GEMIN7: variants seen among roughly 807,000 people sequenced by gnomAD.
The protein encoded by GEMIN7 is gem-associated protein 7.
GEMIN7 carries 7 observed loss-of-function variants against 7.8 expected under a neutral mutation model. The observed-to-expected ratio is 0.90, with a 90% CI of 0.51 to 1.69. The LOEUF (loss-of-function observed/expected upper bound fraction) is 1.69, where lower values mean the gene tolerates loss of function less well. Among genes scored for constraint, GEMIN7 ranks in the 40% most tolerant of loss-of-function variants. The probability of loss-of-function intolerance (pLI) is 0.00; values close to 1 mark genes in which losing one functional copy is unlikely to be tolerated. For missense variants in GEMIN7, 159 were observed against 176.2 expected (o/e 0.90, Z 0.55); for synonymous variants, 68 against 72.4 (o/e 0.94, Z 0.31).
upstream of GEMIN7, among the ~76,000 whole-genome samples, chr19:45,077,296 C>G (rs964702443): frequency 1.3e-5 from 2 of 152,168 alleles, no homozygotes; most frequent in Non-Finnish European, 2.9e-5. Context: ...TGTAATCATA[C>G]ACATCGACTC....
rs141406764 is a variant in GEMIN7, at chr19:45,087,352, C to T, written c.-8-2755C>T. On this transcript the variant is annotated intron_variant, in intron 2 of 2. Coordinates refer to ENST00000270257, the MANE Select transcript of GEMIN7 (RefSeq NM_024707.3). ...ACAGACGGGGTTTTACTATGTTGGC[C>T]AGGCTGCTCTCGAACTCCTGACCTC... 3.6e-3 allele frequency among the ~76,000 whole-genome samples: 548 copies of T among 152,286 alleles called. 5 individuals carry two copies. Among genetic ancestry groups the T allele is most frequent in the African/African-American group, 0.013 (532 of 41,538 alleles).
At position 45,080,675 on chromosome 19, in the gene GEMIN7, A is replaced by G. The variant is rs564931036; in HGVS notation, c.-9+646A>G. The stretch of plus-strand genomic sequence containing the variant: ...ATTACAGGTGTGAACCACTGCACCC[A>G]GCCCGAGGAAAGATTTGACCTGCCA... On this transcript the variant is annotated intron_variant, in intron 2 of 2. Coordinates refer to ENST00000270257, the MANE Select transcript of GEMIN7 (RefSeq NM_024707.3). Among the ~76,000 whole-genome samples the G allele has an allele frequency of 2.3e-3, 344 of 151,784 alleles. 3 individuals are homozygous for G. The highest frequency in any genetic ancestry group is 8.0e-3 in the African/African-American group (333 of 41,370).
chr19:45,091,282 C>A lies in GEMIN7; in HGVS notation c.*772C>A, dbSNP rs1451671445. The A allele has an allele frequency of 6.0e-6, 1 of 167,174 alleles. No homozygotes were observed. The highest frequency in any genetic ancestry group is 1.5e-5 in the Non-Finnish European group (1 of 68,142). The allele number at this position is 167,174 out of a possible 1,614,324, so 10.4% of individuals were successfully genotyped here. ...AATGGTCGGACCCCGAGTGGCGGCG[C>A]CCCTGATAAAAGGCCGAGGATTCGC... On this transcript the variant is annotated 3_prime_UTR_variant, in exon 3 of 3. Transcript: ENST00000270257.
upstream of GEMIN7, chr19:45,076,484 G>A (rs1172902013): frequency 5.1e-6 from 4 of 790,858 alleles, no homozygotes; most frequent in Non-Finnish European, 5.0e-6. The surrounding 1 kb of genome is among the most constrained non-coding windows in gnomAD (Gnocchi z 4.9). Flanking sequence ...TGACTGCGGC[G>A]ACCCGCCGCG....
upstream of GEMIN7, chr19:45,076,600 T>C (rs1406615710): frequency 3.0e-6 from 1 of 338,646 alleles, no homozygotes; most frequent in Non-Finnish European, 5.3e-6. This position sits in a 1 kb window ranked among gnomAD's most constrained non-coding sequence, Gnocchi z 4.9. Flanking sequence ...CCTAACTCAA[T>C]CTAGGCAGTG....
intron 2 of GEMIN7, among the ~76,000 whole-genome samples, chr19:45,082,681 C>T (rs950912333): frequency 2.0e-5 from 3 of 151,962 alleles, no homozygotes; most frequent in Non-Finnish European, 4.4e-5. Context: ...TACAGTGGCA[C>T]AGTTATGGCT....
chr19:45,080,373 G>T (rs1274535973), intron 2 of GEMIN7, among the ~76,000 whole-genome samples: 1 of 137,842 alleles, frequency 7.3e-6, no homozygotes, highest in East Asian at 2.0e-4. Context: ...CCAAGGAAAT[G>T]ATTTTTTTTT....
intron 1 of GEMIN7, 103 bp from the exon 2 acceptor site, chr19:45,079,804 G>A (rs1383022661): frequency 6.6e-6 from 1 of 152,282 alleles, no homozygotes; most frequent in Non-Finnish European, 1.5e-5. Context: ...TGACCCTCTC[G>A]GGTGGCCCCA....
upstream of GEMIN7, chr19:45,075,870 G>A (rs199913976): frequency 6.2e-7 from 1 of 1,613,680 alleles, no homozygotes; most frequent in Non-Finnish European, 8.5e-7. Context: ...GGTCTGCAGG[G>A]AGGAAGCGGG....
rs1254781194 is a variant in GEMIN7 at position 45,090,745 on chromosome 19, C to G, written c.*235C>G. On this transcript the variant is annotated 3_prime_UTR_variant, in exon 3 of 3. Transcript: ENST00000270257. Reference sequence around the variant, plus strand: ...ATGCTCTACCTCACAGAACTCTGAACCCTACAGAAATATGGGCCTGCTGCC... The same window carrying G: ...ATGCTCTACCTCACAGAACTCTGAAGCCTACAGAAATATGGGCCTGCTGCC... 2 of 530,748 alleles carry G rather than the reference C, an allele frequency of 3.8e-6. No individual in the cohort carries two copies. The highest frequency in any genetic ancestry group is 3.3e-5 in the Admixed American group (1 of 29,928). 32.9% of individuals were successfully genotyped at this position (530,748 alleles called of 1,614,324 possible). A position where few individuals can be genotyped will look rare whatever the true frequency, so the allele number is the denominator to read the frequency against.
At chr19:45,075,816 G>A (rs772497919), upstream of GEMIN7, 1 of 1,614,134 alleles carries the variant, frequency 6.2e-7, no homozygotes, top group Non-Finnish European at 8.5e-7. Flanking sequence ...GCAGGCAGCG[G>A]CCGCAGGTCA....
At chr19:45,076,154 G>C (rs200474601), upstream of GEMIN7, 1 of 1,545,870 alleles carries the variant, frequency 6.5e-7, no homozygotes, top group Non-Finnish European at 8.7e-7. This position sits in a 1 kb window ranked among gnomAD's most constrained non-coding sequence, Gnocchi z 4.9. Flanking sequence ...GCCCCGGCGG[G>C]CATGGGGCCA....
upstream of GEMIN7, chr19:45,075,674 C>T (rs772658513): frequency 6.2e-7 from 1 of 1,605,400 alleles, no homozygotes; most frequent in South Asian, 1.1e-5. Context: ...AAGCCCAGCC[C>T]TCGAACTTGA....
chr19:45,081,327 G>A (rs943697369), intron 2 of GEMIN7, among the ~76,000 whole-genome samples: 61 of 152,052 alleles, frequency 4.0e-4, no homozygotes, highest in African/African-American at 1.4e-3. Context: ...GCAGTGGTGC[G>A]CGCCTGTAGT....
intron 2 of GEMIN7, among the ~76,000 whole-genome samples, chr19:45,082,441 A>T (rs531035074): frequency 4.2e-4 from 64 of 152,038 alleles, no homozygotes; most frequent in African/African-American, 1.4e-3. Flanking sequence ...TTCCAGCCCT[A>T]CTCACTTTGG....
rs572215076 is a variant in GEMIN7 at position 45,086,886 on chromosome 19, G to A, written c.-8-3221G>A. On this transcript the variant is annotated intron_variant, in intron 2 of 2. Transcript: ENST00000270257. ...TTTTCGAGATGAGTCTTGCTCTGTC[G>A]CCCAGGCTGGAGTGCAGTGGCGAGA... Among the ~76,000 whole-genome samples the A allele has an allele frequency of 1.1e-4, 16 of 151,956 alleles. 1 individual carries two copies. The highest frequency in any genetic ancestry group is 3.1e-4 in the African/African-American group (13 of 41,424).
At chr19:45,080,765 GTT>G (rs57306662) in intron 2 of GEMIN7, among the ~76,000 whole-genome samples, 3 of 135,644 alleles carry the variant, frequency 2.2e-5, no homozygotes, top group Non-Finnish European at 4.6e-5. Flanking sequence ...CTTGTTTTTT[GTT>G]TTTTTTTTTT....
intron 2 of GEMIN7, among the ~76,000 whole-genome samples, chr19:45,086,469 C>T (rs905567355): frequency 6.6e-6 from 1 of 152,144 alleles, no homozygotes; most frequent in African/African-American, 2.4e-5. Flanking sequence ...CCAGCATTTC[C>T]CTATACACAT....
At position 45,079,265 on chromosome 19, in the gene GEMIN7, T is replaced by C. The variant is rs1967418653; in HGVS notation, c.-244T>C. On this transcript the variant is annotated 5_prime_UTR_variant, in exon 1 of 3. Transcript: ENST00000270257. The stretch of plus-strand genomic sequence containing the variant: ...GCGCCGGCGGAAGTGGGGACACCAG[T>C]AGCCGCGGACCTCGGTGAGTACAAG... 1 of 152,306 alleles carries C rather than the reference T, an allele frequency of 6.6e-6. No homozygotes were observed. Among genetic ancestry groups the C allele is most frequent in the Non-Finnish European group, 1.5e-5 (1 of 68,120 alleles). 9.4% of individuals were successfully genotyped at this position (152,306 alleles called of 1,614,324 possible).
Sources: allele counts gnomAD v4.1 joint callset (sites outside exome capture counted in the v4.1 genomes callset), GRCh38; gene constraint gnomAD v4.1.1; non-coding constraint Gnocchi (gnomAD v3.1); transcripts MANE v1.5; gene names NCBI Gene and HGNC (gene_info 2026-07-23, HGNC 2026-07-21).